Variants in ACADM observed in about 807,000 individuals in gnomAD.
ACADM encodes the protein acyl-CoA dehydrogenase medium chain, also known as medium-chain specific acyl-CoA dehydrogenase, mitochondrial.
ACADM carries 49 observed loss-of-function variants against 58.9 expected under a neutral mutation model. That is an observed-to-expected ratio of 0.83 (90% CI 0.66 to 1.06). The LOEUF (loss-of-function observed/expected upper bound fraction) is 1.06. ACADM is among the 50% of genes least tolerant of loss of function. The pLI is 0.00. For missense variants in ACADM, 496 were observed against 507.0 expected (o/e 0.98, Z 0.21); for synonymous variants, 160 against 157.7 (o/e 1.01, Z -0.11).
At chr1:75,732,560 TA>T in intron 2 of ACADM, 83 bp from the exon 3 acceptor site, 1 of 1,109,248 alleles carries the variant, frequency 9.0e-7, no homozygotes, top group Non-Finnish European at 1.4e-6. Context: ...GTCCCCACAA[TA>T]AATACACATT....
At chr1:75,755,904 AG>A (rs1358531004) in intron 10 of ACADM, among the ~76,000 whole-genome samples, 1 of 152,248 alleles carries the variant, frequency 6.6e-6, no homozygotes, top group East Asian at 1.9e-4. Flanking sequence ...CTGGGATGCA[AG>A]GCTGATTCAA....
chr1:75,741,210 T>C (rs1046015731), intron 7 of ACADM, among the ~76,000 whole-genome samples: 1 of 152,186 alleles, frequency 6.6e-6, no homozygotes, highest in Non-Finnish European at 1.5e-5. Context: ...TTCAATATAT[T>C]TGTGTGCCAT....
intron 10 of ACADM, among the ~76,000 whole-genome samples, chr1:75,760,369 C>A (rs1648762569): frequency 6.8e-6 from 1 of 148,014 alleles, no homozygotes; most frequent in African/African-American, 2.5e-5. Context: ...TTGCAGTGAG[C>A]CGATAACGCA....
chr1:75,749,075 TTAGAC>T (rs1648054829), intron 8 of ACADM, among the ~76,000 whole-genome samples: 1 of 152,210 alleles, frequency 6.6e-6, no homozygotes, highest in Non-Finnish European at 1.5e-5. Context: ...TTGTAGACCT[TTAGAC>T]TAGTGTTGGT....
intron 6 of ACADM, among the ~76,000 whole-genome samples, chr1:75,737,298 ATAT>A (rs1441493752): frequency 9.1e-5 from 8 of 87,976 alleles, no homozygotes; most frequent in Middle Eastern, 5.3e-3. Flanking sequence ...ATATATATAT[ATAT>A]ATATATATAT....
chr1:75,761,200 TG>T lies in ACADM; in HGVS notation c.1027del (p.Glu343ArgfsTer26), dbSNP rs772749943. The T allele has an allele frequency of 6.2e-7, 1 of 1,614,148 alleles. No individual in the cohort carries two copies. The highest frequency in any genetic ancestry group is 2.2e-5 in the East Asian group (1 of 44,874). On this transcript the variant is annotated frameshift_variant, in exon 11 of 12. Coordinates refer to ENST00000370841, the MANE Select transcript of ACADM (RefSeq NM_000016.6). LOFTEE classifies it high-confidence loss of function. ...TAGAATGAGTTACCAGAGAGCAGCTTGGGAGGTTGATTCTGGTCGTCGAAAT... is the reference window on the plus strand; with the variant it reads ...TAGAATGAGTTACCAGAGAGCAGCTTGGAGGTTGATTCTGGTCGTCGAAAT... ...LARMSYQRAA[W>X]EVDSGRRNTY... is the part of the protein sequence containing the mutation.
intron 2 of ACADM, among the ~76,000 whole-genome samples, chr1:75,729,297 T>TTTC (rs1450475124): frequency 7.1e-6 from 1 of 141,234 alleles, no homozygotes; most frequent in African/African-American, 2.5e-5. Context: ...TCTTTTTTCT[T>TTTC]TTTTTTTTTT....
At chr1:75,736,001 G>GAATA (rs1458032178) in intron 6 of ACADM, among the ~76,000 whole-genome samples, 1 of 151,784 alleles carries the variant, frequency 6.6e-6, no homozygotes, top group Admixed American at 6.6e-5. Flanking sequence ...ATAAATAAAT[G>GAATA]AATAAATAAA....
chr1:75,728,319 A>T, intron 1 of ACADM, 82 bp from the exon 2 acceptor site: 2 of 1,116,898 alleles, frequency 1.8e-6, no homozygotes, highest in Non-Finnish European at 2.6e-6. Context: ...CAGTTGCTGT[A>T]CTCACTTATG....
At chr1:75,743,173 G>C (rs1430333902) in intron 7 of ACADM, among the ~76,000 whole-genome samples, 2 of 84,322 alleles carry the variant, frequency 2.4e-5, no homozygotes, top group African/African-American at 1.0e-4. Context: ...CATCCATTAA[G>C]GCTCTCTCTC....
chr1:75,759,805 G>A (rs1169862380), intron 10 of ACADM, among the ~76,000 whole-genome samples: 2 of 151,822 alleles, frequency 1.3e-5, no homozygotes, highest in Non-Finnish European at 2.9e-5. Flanking sequence ...GGTATTACAA[G>A]CATGTGCCAC....
chr1:75,748,039 G>A (rs1557456492), intron 8 of ACADM, among the ~76,000 whole-genome samples: 1 of 152,108 alleles, frequency 6.6e-6, no homozygotes, highest in African/African-American at 2.4e-5. Flanking sequence ...GCAAATTAAA[G>A]GGTTAGTTTA....
At chr1:75,755,620 C>T (rs975804748) in intron 10 of ACADM, among the ~76,000 whole-genome samples, 1 of 152,180 alleles carries the variant, frequency 6.6e-6, no homozygotes, top group African/African-American at 2.4e-5. Context: ...GTCACCATCA[C>T]CAAAGACCAA....
intron 1 of ACADM, 48 bp from the exon 2 acceptor site, chr1:75,728,353 T>C (rs770711605): frequency 3.4e-6 from 5 of 1,484,652 alleles, no homozygotes; most frequent in Non-Finnish European, 4.7e-6. Context: ...TCTTATCTGA[T>C]TAATGTTTAA....
At chr1:75,750,395 A>T in intron 9 of ACADM, 56 bp from the exon 10 acceptor site, 1 of 1,369,840 alleles carries the variant, frequency 7.3e-7, no homozygotes, top group Non-Finnish European at 1.0e-6. Flanking sequence ...TTAGGCAGAT[A>T]TTGTGTGTTT....
At chr1:75,751,820 G>T (rs1162686612) in intron 10 of ACADM, among the ~76,000 whole-genome samples, 1 of 151,868 alleles carries the variant, frequency 6.6e-6, no homozygotes, top group Non-Finnish European at 1.5e-5. Context: ...CTTAATTCTT[G>T]TTACTTCCCA....
rs1203755999 is a variant in ACADM, at chr1:75,737,292, A to T, written c.468+2421A>T. 9.5e-5 allele frequency among the ~76,000 whole-genome samples: 8 copies of T among 84,362 alleles called. 1 individual carries two copies. The highest frequency in any genetic ancestry group is 3.8e-4 in the African/African-American group (8 of 21,222). 55.3% of individuals were successfully genotyped at this position (84,362 alleles called of 152,430 possible). A position where few individuals can be genotyped will look rare whatever the true frequency, so the allele number is the denominator to read the frequency against. On this transcript the variant is annotated intron_variant, in intron 6 of 11. Transcript: ENST00000370841. ...CACACACACACAAATATATATATATATATATATATATATATATATATATAT... is the reference window on the plus strand; with the variant it reads ...CACACACACACAAATATATATATATTTATATATATATATATATATATATAT...
At chr1:75,754,468 C>T (rs906255629) in intron 10 of ACADM, among the ~76,000 whole-genome samples, 1 of 152,058 alleles carries the variant, frequency 6.6e-6, no homozygotes, top group African/African-American at 2.4e-5. Context: ...CCTTGGCCTC[C>T]CAGTGTTGGG....
intron 5 of ACADM, 68 bp downstream of exon 5, chr1:75,733,696 T>A (rs900472592): frequency 7.4e-7 from 1 of 1,343,866 alleles, no homozygotes; most frequent in East Asian, 2.3e-5. Context: ...CCTGAAGAAG[T>A]TGGATTTTTA....
Sources: gnomAD v4.1 joint callset for allele counts (sites outside exome capture counted in the v4.1 genomes callset) on GRCh38, gnomAD v4.1.1 for gene constraint, MANE v1.5 for transcripts, NCBI Gene and HGNC (gene_info 2026-07-23, HGNC 2026-07-21) for gene names.